Variants in VCL observed in about 807,000 individuals in gnomAD.
VCL encodes the protein epididymis luminal protein 114.
A neutral mutation model predicts 125.7 loss-of-function variants in VCL; 47 were observed. That is an observed-to-expected ratio of 0.37 (90% confidence interval 0.30 to 0.48). The LOEUF (loss-of-function observed/expected upper bound fraction) is 0.48, where lower values mean the gene tolerates loss of function less well. VCL is among the 20% of genes least tolerant of loss of function. VCL has a pLI of 0.99. For synonymous variants in VCL, 458 were observed against 514.6 expected (o/e 0.89, Z 1.49); for missense variants, 1,069 against 1,455.5 (o/e 0.73, Z 4.32).
intron 8 of VCL, among the ~76,000 whole-genome samples, chr10:74,087,319 AT>A (rs376480908): frequency 2.3e-4 from 30 of 130,746 alleles, no homozygotes; most frequent in Admixed American, 3.8e-4. Context: ...TTATTTATTT[AT>A]TTTTTTTTTT....
intron 2 of VCL, among the ~76,000 whole-genome samples, 198 bp downstream of exon 2, chr10:74,043,351 A>T (rs1841132275): frequency 6.7e-6 from 1 of 149,026 alleles, no homozygotes; most frequent in Non-Finnish European, 1.5e-5. Flanking sequence ...TGACATAATA[A>T]TTTTTTTTTT....
chr10:74,093,251 C>T (rs147134358), intron 10 of VCL, among the ~76,000 whole-genome samples: 7,536 of 151,930 alleles, frequency 0.05, 650 homozygotes, highest in African/African-American at 0.17. Flanking sequence ...GAGCCGAGAT[C>T]GTGCCACTGC....
intron 16 of VCL, 35 bp from the exon 17 acceptor site, chr10:74,107,195 C>A: frequency 6.2e-7 from 1 of 1,613,908 alleles, no homozygotes; most frequent in South Asian, 1.1e-5. Context: ...GGGCACTGAC[C>A]CACCCAGCTG....
In VCL at chr10:74,094,479, C is replaced by CT. The variant is rs1564529637; in HGVS notation, c.1543+19dup. On this transcript the variant is annotated intron_variant, in intron 11 of 21. Coordinates refer to ENST00000211998, the MANE Select transcript of VCL (RefSeq NM_014000.3). ...TGGAGTCGGTAAGGGCAGCAGTGCACTATAACCTCATTAAATTGGTCTCAG... is the reference window on the plus strand; with the variant it reads ...TGGAGTCGGTAAGGGCAGCAGTGCACTTATAACCTCATTAAATTGGTCTCAG... 3 of 1,609,664 alleles carry CT rather than the reference C, an allele frequency of 1.9e-6. No homozygotes were observed. The highest frequency in any genetic ancestry group is 2.5e-6 in the Non-Finnish European group (3 of 1,177,894).
At chr10:74,007,047 C>T (rs749049890) in intron 1 of VCL, among the ~76,000 whole-genome samples, 4 of 152,060 alleles carry the variant, frequency 2.6e-5, no homozygotes, top group East Asian at 1.9e-4. Context: ...CTCACTGTAG[C>T]GTCGACCTAC....
In VCL at chr10:74,021,539, A is replaced by G. The variant is rs370792209; in HGVS notation, c.169-21544A>G. Among the ~76,000 whole-genome samples the G allele has an allele frequency of 3.2e-4, 48 of 152,346 alleles. No individual in the cohort carries two copies. The East Asian group carries it at 3.9e-3, about 12-fold the overall frequency. On this transcript the variant is annotated intron_variant, in intron 1 of 21. Transcript: ENST00000211998. ...GGAACTCTCTGGAGTAAACAGGGCCATAAATAAATAAACCATCTCTGGAAC... is the reference window on the plus strand; with the variant it reads ...GGAACTCTCTGGAGTAAACAGGGCCGTAAATAAATAAACCATCTCTGGAAC...
chr10:74,089,338 G>A lies in VCL; in HGVS notation c.1165G>A (p.Asp389Asn), dbSNP rs776129187. 4.3e-6 allele frequency: 7 copies of A among 1,613,986 alleles called. No individual in the cohort carries two copies. In the East Asian group the frequency reaches 6.7e-5, roughly 15 times the overall value. The change falls in exon 9 of 22, where the codon GAT becomes AAT. Residue 389 changes from aspartate (D) to asparagine (N), a missense_variant. This residue lies in a region of VCL where 760 missense variants were observed against 928.9 expected (regional missense o/e 0.82). Coordinates refer to ENST00000211998, the MANE Select transcript of VCL (RefSeq NM_014000.3). ...AAAGCAGAGCATTGCAAAGAAGATC[G>A]ATGCTGCTCAGGTAGTCACAGTGAT... ...NSKQSIAKKIDAAQNWLADPN... is the reference protein window; with the variant it reads ...NSKQSIAKKINAAQNWLADPN...
chr10:74,094,566 AGCT>A, intron 11 of VCL, 105 bp downstream of exon 11: 1 of 1,344,182 alleles, frequency 7.4e-7, no homozygotes, highest in Non-Finnish European at 1.0e-6. Flanking sequence ...AGGGTTCTTT[AGCT>A]GCTGATAAGT....
intron 2 of VCL, among the ~76,000 whole-genome samples, chr10:74,055,520 G>GA (rs1259704314): frequency 6.1e-5 from 9 of 146,998 alleles, no homozygotes; most frequent in Non-Finnish European, 9.0e-5. Flanking sequence ...CTAACTAAAA[G>GA]AAAAAAAAAA....
Position 74,100,945 on chromosome 10 carries a change from A to G in VCL, c.1873-3A>G. On this transcript the variant is annotated splice_region_variant and splice_polypyrimidine_tract_variant and intron_variant, in intron 13 of 21. Coordinates refer to ENST00000211998, the MANE Select transcript of VCL (RefSeq NM_014000.3). Reference sequence around the variant, plus strand: ...TGTTCTTAATATCTGTTTTTTCCTCAAGGTATTTGATGAGAGGGCAGCTAA... The same window carrying G: ...TGTTCTTAATATCTGTTTTTTCCTCGAGGTATTTGATGAGAGGGCAGCTAA... 1 of 1,613,870 alleles carries G rather than the reference A, an allele frequency of 6.2e-7. No individual in the cohort carries two copies. The highest frequency in any genetic ancestry group is 8.5e-7 in the Non-Finnish European group (1 of 1,179,938).
chr10:74,105,656 T>C (rs972013971), intron 16 of VCL, among the ~76,000 whole-genome samples: 3 of 152,132 alleles, frequency 2.0e-5, no homozygotes, highest in African/African-American at 7.2e-5. Context: ...TTCTGGGTTC[T>C]AGCGATTCTC....
chr10:73,999,055 T>G lies in VCL; in HGVS notation c.168+680T>G, dbSNP rs1840174049. ...CACTCTCACACCTTTATGCAGTCAT[T>G]CGTGACCACAAGCCCGGTTTTTCCT... On this transcript the variant is annotated intron_variant, in intron 1 of 21. Transcript: ENST00000211998. 2.0e-5 allele frequency among the ~76,000 whole-genome samples: 3 copies of G among 152,202 alleles called. No individual in the cohort carries two copies. In the South Asian group the frequency reaches 6.2e-4, roughly 31 times the overall value.
At chr10:74,087,761 AG>A (rs955164554) in intron 8 of VCL, among the ~76,000 whole-genome samples, 26 of 151,870 alleles carry the variant, frequency 1.7e-4, no homozygotes, top group African/African-American at 6.0e-4. Context: ...GGATCTCTTG[AG>A]GTCGGAAGTT....
intron 1 of VCL, among the ~76,000 whole-genome samples, chr10:74,010,339 T>A (rs1840410124): frequency 6.6e-6 from 1 of 152,242 alleles, no homozygotes; most frequent in South Asian, 2.1e-4. Flanking sequence ...AGTTTTCATA[T>A]TGCATTAAAA....
At chr10:74,025,309 C>G (rs987151604) in intron 1 of VCL, among the ~76,000 whole-genome samples, 2 of 152,006 alleles carry the variant, frequency 1.3e-5, no homozygotes, top group Non-Finnish European at 2.9e-5. Context: ...AGCCATGGTG[C>G]CTGGCCCCAC....
chr10:74,095,573 A>T, intron 11 of VCL, 83 bp from the exon 12 acceptor site: 1 of 1,577,640 alleles, frequency 6.3e-7, no homozygotes, highest in Non-Finnish European at 8.7e-7. Context: ...GTGATAGAGC[A>T]AGACGCCACA....
chr10:74,071,032 G>A lies in VCL; in HGVS notation c.448G>A (p.Val150Met). The A allele has an allele frequency of 6.2e-7, 1 of 1,614,164 alleles. No homozygotes were observed. The highest frequency in any genetic ancestry group is 8.5e-7 in the Non-Finnish European group (1 of 1,180,020). The part of the protein sequence containing the change: ...GILEYLTVAE[V>M]VETMEDLVTY... Reference sequence around the variant, plus strand: ...TTTGGAATATCTTACAGTGGCAGAGGTGGTGGAGACTATGGAAGATTTGGT... The same window carrying A: ...TTTGGAATATCTTACAGTGGCAGAGATGGTGGAGACTATGGAAGATTTGGT... Residue 150 changes from valine to methionine, a missense_variant, in exon 4 of 22, where the codon GTG becomes ATG. Around this residue, in one of 6 missense-constraint regions of VCL, gnomAD observed 760 missense variants for 928.9 expected, o/e 0.82. Coordinates refer to ENST00000211998, the MANE Select transcript of VCL (RefSeq NM_014000.3). The surrounding 1 kb of genome is among the most constrained non-coding windows in gnomAD (Gnocchi z 4.1).
chr10:74,084,678 T>G (rs1478373678), intron 8 of VCL, among the ~76,000 whole-genome samples: 1 of 152,146 alleles, frequency 6.6e-6, no homozygotes, highest in Non-Finnish European at 1.5e-5. Flanking sequence ...AATGGCGCGA[T>G]CTCGGCTCAC....
At chr10:74,024,116 A>G (rs1396843087) in intron 1 of VCL, among the ~76,000 whole-genome samples, 3 of 152,188 alleles carry the variant, frequency 2.0e-5, no homozygotes, top group Non-Finnish European at 4.4e-5. Context: ...TATAAAACTT[A>G]TAATATTCTG....
Sources: gnomAD v4.1 joint callset for allele counts (sites outside exome capture counted in the v4.1 genomes callset) on GRCh38, gnomAD v4.1.1 for gene constraint, gnomAD v4.1.1 regional missense constraint, Gnocchi (gnomAD v3.1) non-coding constraint, MANE v1.5 for transcripts, NCBI Gene and HGNC (gene_info 2026-07-23, HGNC 2026-07-21) for gene names.